SLC25A28: variants seen among roughly 807,000 people sequenced by gnomAD.
SLC25A28 encodes the protein mitoferrin-2.
SLC25A28 carries 10 observed loss-of-function variants against 31.9 expected under a neutral mutation model. The ratio of observed to expected loss-of-function variants is 0.31; its 90% CI spans 0.19 to 0.53. The LOEUF (loss-of-function observed/expected upper bound fraction) is 0.53, where lower values mean the gene tolerates loss of function less well. SLC25A28 is among the 20% of genes least tolerant of loss of function. The probability of loss-of-function intolerance (pLI) is 0.95; values close to 1 mark genes in which losing one functional copy is unlikely to be tolerated. For synonymous variants in SLC25A28, 208 were observed against 203.6 expected (o/e 1.02, Z -0.19); for missense variants, 256 against 490.3 (o/e 0.52, Z 4.51).
upstream of SLC25A28, chr10:99,621,054 G>C (rs2034783143): frequency 2.0e-5 from 18 of 881,894 alleles, no homozygotes; most frequent in Non-Finnish European, 2.3e-5. Flanking sequence ...CGTGAGGCGG[G>C]GCCGGCCTGG....
chr10:99,632,232 T>C, the SLC25A28 span, among the ~76,000 whole-genome samples: 2 of 152,192 alleles, frequency 1.3e-5, no homozygotes, highest in African/African-American at 4.8e-5. Flanking sequence ...GTATAATGAC[T>C]ACATAACATT....
the SLC25A28 span, among the ~76,000 whole-genome samples, chr10:99,640,218 TAA>T: frequency 1.3e-5 from 2 of 152,224 alleles, no homozygotes; most frequent in African/African-American, 4.8e-5. Flanking sequence ...ATATTAATTA[TAA>T]GTTTCCTTGG....
the SLC25A28 span, among the ~76,000 whole-genome samples, chr10:99,634,592 C>A: frequency 2.0e-5 from 3 of 151,902 alleles, no homozygotes; most frequent in African/African-American, 7.3e-5. Context: ...CAAACAAAGA[C>A]AAAGAAAAAA....
At chr10:99,612,837 C>CTT (rs1403094247) in intron 2 of SLC25A28, among the ~76,000 whole-genome samples, 2 of 152,184 alleles carry the variant, frequency 1.3e-5, no homozygotes, top group Non-Finnish European at 2.9e-5. Context: ...GGAAGGCCAG[C>CTT]TCAAGTCTTA....
intron 1 of SLC25A28, chr10:99,615,340 G>C: frequency 1.1e-6 from 1 of 897,508 alleles, no homozygotes; most frequent in Non-Finnish European, 1.3e-6. Context: ...TGGGCAACAA[G>C]AGCAAAACTC....
In SLC25A28 at chr10:99,617,076, A is replaced by G. The variant is rs1319205158; in HGVS notation, c.291+2969T>C. The G allele has an allele frequency of 8.1e-6, 8 of 985,324 alleles. No individual in the cohort carries two copies. The East Asian group carries it at 4.5e-4, about 56-fold the overall frequency. The allele number at this position is 985,324 out of a possible 1,614,324, so 61.0% of individuals were successfully genotyped here. A position where few individuals can be genotyped will look rare whatever the true frequency, so the allele number is the denominator to read the frequency against. On this transcript the variant is annotated intron_variant, in intron 1 of 3. Coordinates refer to ENST00000370495, the MANE Select transcript of SLC25A28 (RefSeq NM_031212.4). Reference sequence around the variant, plus strand: ...CCTCTGCTCTTCCCCTCTTTATTATATAAGTGGATATTTGCTTTACCACTT... The same window carrying G: ...CCTCTGCTCTTCCCCTCTTTATTATGTAAGTGGATATTTGCTTTACCACTT...
chr10:99,628,673 T>G, the SLC25A28 span, among the ~76,000 whole-genome samples: 1 of 152,118 alleles, frequency 6.6e-6, no homozygotes, highest in African/African-American at 2.4e-5. Context: ...AAAAATTAAT[T>G]AGCCGGGTGT....
chr10:99,615,601 T>C (rs1565021006), intron 1 of SLC25A28: 1 of 985,282 alleles, frequency 1.0e-6, no homozygotes, highest in Non-Finnish European at 1.2e-6. Context: ...TTATCACAAT[T>C]TGACACATTC....
the SLC25A28 span, among the ~76,000 whole-genome samples, chr10:99,625,791 T>G: frequency 6.6e-6 from 1 of 152,218 alleles, no homozygotes; most frequent in African/African-American, 2.4e-5. Flanking sequence ...CTTGCTCATT[T>G]TCTCCCTTCT....
intron 1 of SLC25A28, chr10:99,617,307 C>A: frequency 1.0e-6 from 1 of 985,440 alleles, no homozygotes; most frequent in Non-Finnish European, 1.2e-6. Context: ...TAACCATGAT[C>A]CAGCAAGGCT....
At chr10:99,641,637 T>C in the SLC25A28 span, among the ~76,000 whole-genome samples, 43 of 152,350 alleles carry the variant, frequency 2.8e-4, no homozygotes, top group African/African-American at 9.6e-4. Flanking sequence ...CATGAAGTCC[T>C]TGCCCATGCC....
intron 1 of SLC25A28, chr10:99,617,273 T>C: frequency 1.0e-6 from 1 of 985,224 alleles, no homozygotes; most frequent in Non-Finnish European, 1.2e-6. Flanking sequence ...CTCTCCATTA[T>C]AGCCATGGAA....
chr10:99,649,681 G>C, the SLC25A28 span, among the ~76,000 whole-genome samples: 3 of 152,052 alleles, frequency 2.0e-5, no homozygotes, highest in Admixed American at 2.0e-4. Flanking sequence ...TTCCTAGTTG[G>C]ATCTCAGAAG....
the SLC25A28 span, among the ~76,000 whole-genome samples, chr10:99,641,283 T>C: frequency 5.0e-4 from 76 of 152,376 alleles, no homozygotes; most frequent in Middle Eastern, 3.4e-3. Flanking sequence ...TGATATCTCA[T>C]TGTGGTTTTG....
chr10:99,637,191 A>G, the SLC25A28 span, among the ~76,000 whole-genome samples: 1 of 151,998 alleles, frequency 6.6e-6, no homozygotes, highest in African/African-American at 2.4e-5. Context: ...AACAAACCAC[A>G]TGATCATCTC....
the SLC25A28 span, among the ~76,000 whole-genome samples, chr10:99,651,181 A>G: frequency 1.3e-5 from 2 of 152,162 alleles, no homozygotes; most frequent in Admixed American, 1.3e-4. Flanking sequence ...GAGTCCTAGC[A>G]TTCTCTACTA....
the SLC25A28 span, among the ~76,000 whole-genome samples, chr10:99,641,481 G>A: frequency 1.5e-3 from 224 of 152,242 alleles, 1 homozygote; most frequent in Admixed American, 4.0e-3. Flanking sequence ...TTTGTCAGAT[G>A]GGTAGATTGT....
chr10:99,632,042 G>A, the SLC25A28 span, among the ~76,000 whole-genome samples: 1 of 150,232 alleles, frequency 6.7e-6, no homozygotes, highest in East Asian at 1.9e-4. Context: ...GACTACAGGC[G>A]CCCGCCACCG....
chr10:99,622,481 T>C (rs1348618806), upstream of SLC25A28, among the ~76,000 whole-genome samples: 1 of 152,252 alleles, frequency 6.6e-6, no homozygotes, highest in East Asian at 1.9e-4. Context: ...ATTACTCCAC[T>C]AATGACCTAT....
Sources: gnomAD v4.1 joint callset for allele counts (sites outside exome capture counted in the v4.1 genomes callset) on GRCh38, gnomAD v4.1.1 for gene constraint, MANE v1.5 for transcripts, NCBI Gene and HGNC (gene_info 2026-07-23, HGNC 2026-07-21) for gene names.